SLC14A2: variants seen among roughly 807,000 people sequenced by gnomAD.
The protein encoded by SLC14A2 is urea transporter 2.
In SLC14A2, 91 loss-of-function variants were observed where a neutral mutation model predicts 104.6. The ratio of observed to expected loss-of-function variants is 0.87; its 90% CI spans 0.73 to 1.04. The LOEUF (loss-of-function observed/expected upper bound fraction) is 1.04, where lower values mean the gene tolerates loss of function less well. Among genes scored for constraint, SLC14A2 ranks in the 50% least tolerant of loss-of-function variants. SLC14A2 has a pLI of 0.00. For missense variants in SLC14A2, 1,189 were observed against 1,156.0 expected, an observed-to-expected ratio of 1.03 and a Z score of -0.41; for synonymous variants, 476 against 466.4, an observed-to-expected ratio of 1.02 and a Z score of -0.27.
At chr18:45,438,952 T>C (rs1185817052) in intron 1 of SLC14A2, among the ~76,000 whole-genome samples, 2 of 152,238 alleles carry the variant, frequency 1.3e-5, no homozygotes, top group East Asian at 3.9e-4. Flanking sequence ...GCCTATAACC[T>C]GTCAAGAGTA....
At chr18:45,636,882 G>T in intron 5 of SLC14A2, 108 bp from the exon 6 acceptor site, 2 of 771,156 alleles carry the variant, frequency 2.6e-6, no homozygotes, top group South Asian at 3.8e-5. Context: ...GGCCAGGAAT[G>T]CTGTGCCTAG....
At chr18:45,642,048 T>G (rs2144557229) in intron 8 of SLC14A2, among the ~76,000 whole-genome samples, 1 of 152,298 alleles carries the variant, frequency 6.6e-6, no homozygotes, top group East Asian at 1.9e-4. Context: ...GAGGGGCTAA[T>G]TAACTTGCCC....
intron 1 of SLC14A2, among the ~76,000 whole-genome samples, chr18:45,375,608 G>A (rs947808995): frequency 4.6e-5 from 7 of 152,140 alleles, no homozygotes; most frequent in East Asian, 1.9e-4. Context: ...CTGCACGGCC[G>A]GCTCTGCATG....
At chr18:45,678,838 C>A in intron 18 of SLC14A2, 137 bp from the exon 19 acceptor site, 3 of 759,208 alleles carry the variant, frequency 4.0e-6, no homozygotes, top group East Asian at 2.8e-5. Flanking sequence ...GCAATGGAAA[C>A]ATAACTCAAA....
intron 1 of SLC14A2, among the ~76,000 whole-genome samples, chr18:45,265,406 C>T (rs1477688430): frequency 6.6e-6 from 1 of 152,154 alleles, no homozygotes; most frequent in Non-Finnish European, 1.5e-5. Flanking sequence ...TACTGGAAAT[C>T]TCTGTCAGAG....
chr18:45,567,084 G>GTGTGTGTA (rs1555707163), intron 2 of SLC14A2, among the ~76,000 whole-genome samples: 6 of 150,314 alleles, frequency 4.0e-5, no homozygotes, highest in Non-Finnish European at 7.4e-5. Context: ...GTGTGTGTGT[G>GTGTGTGTA]TGTGTGTGTG....
chr18:45,680,766 A>G (rs1485063501), intron 19 of SLC14A2, among the ~76,000 whole-genome samples: 1 of 152,266 alleles, frequency 6.6e-6, no homozygotes, highest in East Asian at 1.9e-4. Flanking sequence ...TTAAATGGCC[A>G]TAGCAAGGTG....
chr18:45,212,320 G>A (rs1298835465), upstream of SLC14A2, among the ~76,000 whole-genome samples: 1 of 152,186 alleles, frequency 6.6e-6, no homozygotes, highest in African/African-American at 2.4e-5. Flanking sequence ...AGGTATAACT[G>A]TATTATGGTT....
At chr18:45,430,936 T>C (rs1251547819) in intron 1 of SLC14A2, among the ~76,000 whole-genome samples, 10 of 152,026 alleles carry the variant, frequency 6.6e-5, no homozygotes, top group African/African-American at 1.9e-4. Flanking sequence ...CCAATGTGAG[T>C]TCTAGTTTAG....
At chr18:45,464,759 C>T (rs944664068) in intron 1 of SLC14A2, among the ~76,000 whole-genome samples, 7 of 152,134 alleles carry the variant, frequency 4.6e-5, no homozygotes, top group African/African-American at 1.2e-4. Context: ...ATCCTGGGCA[C>T]GGCACCAAGT....
chr18:45,591,422 G>A (rs150474517), intron 2 of SLC14A2, among the ~76,000 whole-genome samples: 7 of 152,194 alleles, frequency 4.6e-5, no homozygotes, highest in African/African-American at 1.4e-4. Flanking sequence ...TGCAACTTCC[G>A]CCTCCCGGGT....
intron 2 of SLC14A2, among the ~76,000 whole-genome samples, chr18:45,570,453 G>A (rs2044328259): frequency 6.6e-6 from 1 of 152,198 alleles, no homozygotes; most frequent in Non-Finnish European, 1.5e-5. Context: ...GAATCTGAGA[G>A]TGAGAAGAGA....
chr18:45,640,311 G>T (rs2045501690), intron 7 of SLC14A2, among the ~76,000 whole-genome samples: 1 of 152,048 alleles, frequency 6.6e-6, no homozygotes, highest in South Asian at 2.1e-4. Flanking sequence ...AGATGCAAGG[G>T]GGTAAGAACC....
intron 1 of SLC14A2, among the ~76,000 whole-genome samples, chr18:45,406,402 A>G (rs2086155304): frequency 6.6e-6 from 1 of 152,234 alleles, no homozygotes; most frequent in African/African-American, 2.4e-5. Context: ...CCACATCTGC[A>G]GTAACTTCCT....
intron 1 of SLC14A2, among the ~76,000 whole-genome samples, chr18:45,368,370 G>A (rs1316418597): frequency 6.6e-6 from 1 of 152,174 alleles, no homozygotes; most frequent in Non-Finnish European, 1.5e-5. Flanking sequence ...AACATCCATA[G>A]CCTTGCACAC....
chr18:45,249,744 G>T (rs1734958645), intron 1 of SLC14A2, among the ~76,000 whole-genome samples: 1 of 152,116 alleles, frequency 6.6e-6, no homozygotes, highest in Admixed American at 6.5e-5. Context: ...GAGTCCAGGA[G>T]TTCAAGACTA....
chr18:45,424,885 T>G (rs1420654328), intron 1 of SLC14A2, among the ~76,000 whole-genome samples: 1 of 152,176 alleles, frequency 6.6e-6, no homozygotes, highest in Non-Finnish European at 1.5e-5. Flanking sequence ...TAAAAACCAT[T>G]ACCTCATTTT....
Position 45,239,675 on chromosome 18 carries a change from A to G in SLC14A2, c.-125+26484A>G, listed in dbSNP as rs545569219. ...GTGCCTCATTCTGACCGAAAAATCT[A>G]CGATGGCTTCACTGGGGAGGAAATT... On this transcript the variant is annotated intron_variant, in intron 1 of 20. Transcript: ENST00000586448. 9.8e-5 allele frequency among the ~76,000 whole-genome samples: 15 copies of G among 152,366 alleles called. No homozygotes were observed. In the South Asian group the frequency reaches 3.1e-3, roughly 32 times the overall value.
chr18:45,559,291 G>A (rs2044173166), intron 2 of SLC14A2, among the ~76,000 whole-genome samples: 1 of 152,232 alleles, frequency 6.6e-6, no homozygotes, highest in African/African-American at 2.4e-5. Flanking sequence ...AAATGGAAGA[G>A]TGGTGAAGAT....
Sources: gnomAD v4.1 joint callset for allele counts (sites outside exome capture counted in the v4.1 genomes callset) on GRCh38, gnomAD v4.1.1 for gene constraint, MANE v1.5 for transcripts, NCBI Gene and HGNC (gene_info 2026-07-23, HGNC 2026-07-21) for gene names.